EPS15: variants seen among roughly 807,000 people sequenced by gnomAD.
EPS15 encodes the protein epidermal growth factor receptor pathway substrate 15, also known as epidermal growth factor receptor substrate 15.
A neutral mutation model predicts 113.8 loss-of-function variants in EPS15; 72 were observed. That is an observed-to-expected ratio of 0.63 (90% confidence interval 0.52 to 0.77). The LOEUF (loss-of-function observed/expected upper bound fraction) is 0.77. EPS15 is among the 30% of genes least tolerant of loss of function. The pLI is 0.00. For synonymous variants in EPS15, 344 were observed against 363.4 expected, an observed-to-expected ratio of 0.95 and a Z score of 0.61; for missense variants, 1,048 against 1,045.8, an observed-to-expected ratio of 1.00 and a Z score of -0.03.
intron 19 of EPS15, among the ~76,000 whole-genome samples, chr1:51,399,647 T>G (rs1648321026): frequency 6.6e-6 from 1 of 151,492 alleles, no homozygotes; most frequent in East Asian, 1.9e-4. Context: ...TGACTTGAGC[T>G]CAGGAGTTTA....
chr1:51,360,017 C>A (rs1423048452), intron 24 of EPS15, among the ~76,000 whole-genome samples: 1 of 152,024 alleles, frequency 6.6e-6, no homozygotes, highest in East Asian at 1.9e-4. Context: ...GTAGCTGGGA[C>A]TACAGGTGCT....
At position 51,489,325 on chromosome 1, in the gene EPS15, A is replaced by AT. The variant is rs1264887251; in HGVS notation, c.34-8012dup. Reference sequence around the variant, plus strand: ...TATATATGTATGTATGTATGTATGTATTTTTTTTTTTTTGGAGATGGCGTC... The same window carrying AT: ...TATATATGTATGTATGTATGTATGTATTTTTTTTTTTTTTGGAGATGGCGTC... On this transcript the variant is annotated intron_variant, in intron 1 of 24. Transcript: ENST00000371733. 2.0e-3 allele frequency among the ~76,000 whole-genome samples: 276 copies of AT among 140,464 alleles called. 3 individuals are homozygous for AT. Among genetic ancestry groups the AT allele is most frequent in the Middle Eastern group, 3.6e-3 (1 of 278 alleles). 92.1% of individuals were successfully genotyped at this position (140,464 alleles called of 152,430 possible).
chr1:51,447,560 G>GA (rs371953844), intron 9 of EPS15, among the ~76,000 whole-genome samples: 4,860 of 143,576 alleles, frequency 0.034, 126 homozygotes, highest in Non-Finnish European at 0.052. Context: ...GCTGGGGGCA[G>GA]AAAAAAAAAA....
intron 21 of EPS15, chr1:51,372,256 G>A: frequency 2.1e-6 from 1 of 485,186 alleles, no homozygotes; most frequent in South Asian, 1.5e-5. Context: ...TGGGCGGTGT[G>A]TGTCAAGATG....
intron 13 of EPS15, among the ~76,000 whole-genome samples, chr1:51,410,090 G>A (rs993009123): frequency 4.0e-5 from 6 of 151,840 alleles, no homozygotes; most frequent in South Asian, 4.2e-4. Flanking sequence ...TTAGCTGGGC[G>A]TGGTGGCGCA....
intron 5 of EPS15, among the ~76,000 whole-genome samples, chr1:51,466,006 T>TA (rs1557496585): frequency 6.8e-6 from 1 of 147,756 alleles, no homozygotes; most frequent in African/African-American, 2.5e-5. Context: ...TCTTAAAATT[T>TA]AAAAAAACAA....
chr1:51,517,736 T>TTCCCCACTGTTAG (rs1553141575), intron 1 of EPS15, among the ~76,000 whole-genome samples: 2 of 131,374 alleles, frequency 1.5e-5, no homozygotes, highest in African/African-American at 5.5e-5. Flanking sequence ...TAAAGGGTTC[T>TTCCCCACTGTTAG]CTGCTTGTCA....
intron 2 of EPS15, among the ~76,000 whole-genome samples, chr1:51,479,862 A>C (rs1038242715): frequency 6.6e-6 from 1 of 152,250 alleles, no homozygotes; most frequent in Admixed American, 6.5e-5. Flanking sequence ...TACCTGGTTT[A>C]CAAGATCCTA....
chr1:51,393,205 A>G (rs889781960), intron 21 of EPS15, among the ~76,000 whole-genome samples: 2 of 151,978 alleles, frequency 1.3e-5, no homozygotes, highest in Non-Finnish European at 2.9e-5. Flanking sequence ...AAGAAACCCA[A>G]CCTGTTTTTT....
At chr1:51,385,093 T>C (rs1364033834) in intron 21 of EPS15, among the ~76,000 whole-genome samples, 1 of 152,088 alleles carries the variant, frequency 6.6e-6, no homozygotes, top group Non-Finnish European at 1.5e-5. Flanking sequence ...ATGAGCTACA[T>C]CAAAATTAAA....
intron 24 of EPS15, among the ~76,000 whole-genome samples, chr1:51,358,783 C>T (rs931426321): frequency 1.3e-5 from 2 of 150,532 alleles, no homozygotes; most frequent in African/African-American, 2.5e-5. Flanking sequence ...TATCAGCTCC[C>T]GCAACCTCTG....
chr1:51,472,749 G>T, intron 3 of EPS15, 110 bp downstream of exon 3: 3 of 748,524 alleles, frequency 4.0e-6, no homozygotes, highest in South Asian at 2.0e-5. Flanking sequence ...TCTATGACTC[G>T]GTTCTAACTT....
chr1:51,435,182 T>C (rs1461618777), intron 12 of EPS15, among the ~76,000 whole-genome samples: 1 of 151,890 alleles, frequency 6.6e-6, no homozygotes. Flanking sequence ...CCTTTTCTTT[T>C]TCTTTTTTCT....
rs200208694 is a variant in EPS15 at position 51,368,954 on chromosome 1, T to TC, written c.2120-2926dup. Among the ~76,000 whole-genome samples the TC allele has an allele frequency of 9.5e-3, 1,443 of 152,208 alleles. 24 individuals are homozygous for TC. The highest frequency in any genetic ancestry group is 0.033 in the African/African-American group (1,380 of 41,524). ...CAGCCTGAGTGGGGTGAAGATGCTC[T>TC]CCCTGACTGCTGACAAGGGAAAAAG... is the stretch of plus-strand genomic sequence containing the variant. On this transcript the variant is annotated intron_variant, in intron 21 of 24. Coordinates refer to ENST00000371733, the MANE Select transcript of EPS15 (RefSeq NM_001981.3).
At chr1:51,422,110 A>G in intron 12 of EPS15, 5 of 1,095,136 alleles carry the variant, frequency 4.6e-6, no homozygotes, top group Non-Finnish European at 4.6e-6. Context: ...AAGGAAGAGG[A>G]GAAAAATAAT....
chr1:51,377,672 T>C (rs992923585), intron 21 of EPS15, among the ~76,000 whole-genome samples: 6 of 152,218 alleles, frequency 3.9e-5, no homozygotes, highest in Admixed American at 6.5e-5. Flanking sequence ...GACTATCTTG[T>C]GTGGGTAAAA....
At chr1:51,505,061 A>AG (rs1644475345) in intron 1 of EPS15, among the ~76,000 whole-genome samples, 1 of 152,046 alleles carries the variant, frequency 6.6e-6, no homozygotes, top group Non-Finnish European at 1.5e-5. Context: ...CAGAGGTTGC[A>AG]GTGAGCCATG....
Position 51,428,467 on chromosome 1 carries a change from T to C in EPS15, c.1041-6609A>G, listed in dbSNP as rs967324172. On this transcript the variant is annotated intron_variant, in intron 12 of 24. Transcript: ENST00000371733. ...AGTAGATACACAATGTATAAAGATA[T>C]AGTTTGTGACATCAATAACATAACA... 7.2e-5 allele frequency among the ~76,000 whole-genome samples: 11 copies of C among 151,766 alleles called. No homozygotes were observed. In the South Asian group the frequency reaches 1.0e-3, roughly 14 times the overall value.
At chr1:51,513,584 GA>G (rs1217312476) in intron 1 of EPS15, among the ~76,000 whole-genome samples, 1 of 152,158 alleles carries the variant, frequency 6.6e-6, no homozygotes, top group Non-Finnish European at 1.5e-5. Context: ...GCCTAAAGCA[GA>G]AAGAAGACTT....
Sources: allele counts gnomAD v4.1 joint callset (sites outside exome capture counted in the v4.1 genomes callset), GRCh38; gene constraint gnomAD v4.1.1; transcripts MANE v1.5; gene names NCBI Gene and HGNC (gene_info 2026-07-23, HGNC 2026-07-21).